Variants in CIITA observed in about 807,000 individuals in gnomAD.
CIITA encodes class II major histocompatibility complex transactivator.
A neutral mutation model predicts 115.1 loss-of-function variants in CIITA; 72 were observed. The observed-to-expected ratio is 0.63, with a 90% CI of 0.52 to 0.76. CIITA has a LOEUF of 0.76. Among genes scored for constraint, CIITA ranks in the 30% least tolerant of loss-of-function variants. CIITA has a pLI of 0.00. For missense variants in CIITA, 1,617 were observed against 1,463.8 expected, an observed-to-expected ratio of 1.10 and a Z score of -1.71; for synonymous variants, 763 against 635.6, an observed-to-expected ratio of 1.20 and a Z score of -3.02.
chr16:10,914,234 G>T (rs892924248), intron 13 of CIITA, among the ~76,000 whole-genome samples: 12 of 152,128 alleles, frequency 7.9e-5, no homozygotes, highest in Admixed American at 1.3e-4. Context: ...TAAGATTGGG[G>T]TGAAATATTT....
At chr16:10,874,924 G>A (rs746402345), upstream of CIITA, among the ~76,000 whole-genome samples, 1 of 152,142 alleles carries the variant, frequency 6.6e-6, no homozygotes, top group Non-Finnish European at 1.5e-5. Flanking sequence ...CGCCTCTCCC[G>A]TGGCACCAGG....
intron 10 of CIITA, among the ~76,000 whole-genome samples, chr16:10,905,486 C>T (rs920634142): frequency 3.9e-5 from 6 of 152,266 alleles, no homozygotes; most frequent in Middle Eastern, 3.4e-3. Flanking sequence ...GATGGCCATG[C>T]ATGGTGCCTT....
At chr16:10,902,249 C>T in intron 7 of CIITA, 65 bp downstream of exon 7, 1 of 1,599,830 alleles carries the variant, frequency 6.3e-7, no homozygotes, top group Non-Finnish European at 8.5e-7. Context: ...GGAGTTGACA[C>T]TAAGGCAGGG....
At chr16:10,880,650 C>T (rs978331217) in intron 1 of CIITA, among the ~76,000 whole-genome samples, 1 of 152,186 alleles carries the variant, frequency 6.6e-6, no homozygotes, top group African/African-American at 2.4e-5. Flanking sequence ...TGTCTGATGG[C>T]TGGGGCTTGG....
chr16:10,870,645 T>C (rs2035421066), intron 1 of CIITA, among the ~76,000 whole-genome samples: 1 of 152,224 alleles, frequency 6.6e-6, no homozygotes, highest in African/African-American at 2.4e-5. Context: ...TCTGAAGCCA[T>C]GTTCTGCTCC....
At chr16:10,890,169 G>C (rs2037410355) in intron 1 of CIITA, among the ~76,000 whole-genome samples, 1 of 152,244 alleles carries the variant, frequency 6.6e-6, no homozygotes, top group East Asian at 1.9e-4. Flanking sequence ...TCTTGTCCAG[G>C]TTGAGCCAAT....
intron 3 of CIITA, 81 bp downstream of exon 3, chr16:10,895,845 C>T: frequency 1.5e-6 from 2 of 1,347,094 alleles, no homozygotes; most frequent in Non-Finnish European, 2.1e-6. Context: ...ACCCATTCAT[C>T]ATGAGCCACG....
At position 10,902,102 on chromosome 16, in the gene CIITA, G is replaced by T. The variant is rs755499980; in HGVS notation, c.546G>T (p.Leu182=). The T allele has an allele frequency of 3.7e-6, 6 of 1,613,972 alleles. No individual in the cohort carries two copies. Among genetic ancestry groups the T allele is most frequent in the Middle Eastern group, 1.6e-4 (1 of 6,084 alleles). Residue 182 remains leucine, a synonymous_variant, in exon 7 of 20, where the codon CTG becomes CTT. Coordinates refer to ENST00000324288, the MANE Select transcript of CIITA (RefSeq NM_000246.4). ...LVGPVSDCST[L]PCLPLPALFN... ...GACCAGTGAGCGACTGCTCCACCCT[G>T]CCCTGCCTGCCACTGCCTGCGCTGT...
At chr16:10,898,026 T>G (rs1244793667) in intron 3 of CIITA, among the ~76,000 whole-genome samples, 1 of 152,200 alleles carries the variant, frequency 6.6e-6, no homozygotes, top group African/African-American at 2.4e-5. Context: ...TCTGTTCTCC[T>G]TCTCCCAGAC....
chr16:10,900,102 T>C (rs2038567176), intron 5 of CIITA, among the ~76,000 whole-genome samples: 1 of 151,828 alleles, frequency 6.6e-6, no homozygotes, highest in Non-Finnish European at 1.5e-5. Context: ...ACCAAAAGAA[T>C]ATTCAGTGAA....
chr16:10,935,690 A>G lies in CIITA; in HGVS notation c.*11835A>G, dbSNP rs1040859346. On this transcript the variant is annotated 3_prime_UTR_variant, in exon 20 of 20. Transcript: ENST00000324288. ...CATCGCCAGAAAGGGGACAGATGGC[A>G]TGTGCCTCTCGATAAGATGCACTGA... 10 of 152,256 alleles carry G rather than the reference A, an allele frequency of 6.6e-5. No individual in the cohort carries two copies. Among genetic ancestry groups the G allele is most frequent in the Non-Finnish European group, 1.2e-4 (8 of 68,052 alleles). 9.4% of individuals were successfully genotyped at this position (152,256 alleles called of 1,614,324 possible).
chr16:10,900,733 C>T (rs1324451676), intron 5 of CIITA, among the ~76,000 whole-genome samples: 2 of 148,342 alleles, frequency 1.3e-5, no homozygotes, highest in South Asian at 2.1e-4. Flanking sequence ...GAGCTAGACT[C>T]TGTTTCAAAA....
In CIITA at chr16:10,941,828, G is replaced by A; in HGVS notation, n.954G>A. The A allele has an allele frequency of 6.2e-7, 1 of 1,613,440 alleles. No homozygotes were observed. Among genetic ancestry groups the A allele is most frequent in the South Asian group, 1.1e-5 (1 of 91,044 alleles). On this transcript the variant is annotated non_coding_transcript_exon_variant, in exon 2 of 2. Transcript: ENST00000573379. The surrounding 1 kb of genome is among the most constrained non-coding windows in gnomAD (Gnocchi z 6.4). ...ACGAGCGCCTGGTCCATGTCCTCGG[G>A]CAGGAAGACGAGGCCCACGTTGAGG...
intron 1 of CIITA, among the ~76,000 whole-genome samples, chr16:10,870,637 T>C (rs1384352490): frequency 6.6e-6 from 1 of 152,258 alleles, no homozygotes; most frequent in East Asian, 1.9e-4. Flanking sequence ...GCTCTGGATC[T>C]GAAGCCATGT....
chr16:10,928,274 C>T lies in CIITA; in HGVS notation c.*4419C>T, dbSNP rs920271549. 2 of 152,138 alleles carry T rather than the reference C, an allele frequency of 1.3e-5. No homozygotes were observed. The highest frequency in any genetic ancestry group is 1.5e-5 in the Non-Finnish European group (1 of 68,038). 9.4% of individuals were successfully genotyped at this position (152,138 alleles called of 1,614,324 possible). A position where few individuals can be genotyped will look rare whatever the true frequency, so the allele number is the denominator to read the frequency against. On this transcript the variant is annotated 3_prime_UTR_variant, in exon 20 of 20. Transcript: ENST00000324288. ...CTGGAGAGAATTACTGCTTGTATTC[C>T]GTGAAACTACAAGCTCCCAATTCCA... is the stretch of plus-strand genomic sequence containing the variant.
chr16:10,889,981 C>G (rs950810179), intron 1 of CIITA, among the ~76,000 whole-genome samples: 16 of 152,190 alleles, frequency 1.1e-4, no homozygotes, highest in Admixed American at 7.9e-4. Context: ...TCTACCCTGC[C>G]TTTTCCCCAG....
chr16:10,902,220 C>T, intron 7 of CIITA, 36 bp downstream of exon 7: 1 of 1,613,298 alleles, frequency 6.2e-7, no homozygotes, highest in African/African-American at 1.3e-5. Flanking sequence ...GGGCTTTCTC[C>T]CTCTTGGGAG....
intron 1 of CIITA, among the ~76,000 whole-genome samples, chr16:10,889,525 T>A (rs2037325385): frequency 6.6e-6 from 1 of 151,354 alleles, no homozygotes; most frequent in African/African-American, 2.5e-5. Context: ...TTTTTGTTTT[T>A]TGTTTTTTTT....
At chr16:10,910,696 A>C (rs2039501226) in intron 13 of CIITA, among the ~76,000 whole-genome samples, 1 of 152,214 alleles carries the variant, frequency 6.6e-6, no homozygotes, top group African/African-American at 2.4e-5. Context: ...TAATTTCGCC[A>C]GGGATCAGAA....
Sources: allele counts gnomAD v4.1 joint callset (sites outside exome capture counted in the v4.1 genomes callset), GRCh38; gene constraint gnomAD v4.1.1; non-coding constraint Gnocchi (gnomAD v3.1); transcripts MANE v1.5; gene names NCBI Gene and HGNC (gene_info 2026-07-23, HGNC 2026-07-21).